The following CD1B variants were observed in gnomAD, a reference collection of about 807,000 sequenced individuals.
CD1B encodes the protein T-cell surface glycoprotein CD1b.
In CD1B, 43 loss-of-function variants were observed where a neutral mutation model predicts 39.8. The ratio of observed to expected loss-of-function variants is 1.08; its 90% confidence interval spans 0.85 to 1.39. The LOEUF is 1.39. Ranked by LOEUF, CD1B falls within the 40% of genes most tolerant of loss-of-function variation. CD1B has a pLI of 0.00. For synonymous variants in CD1B, 192 were observed against 152.5 expected, an observed-to-expected ratio of 1.26 and a Z score of -1.91; for missense variants, 495 against 403.8, an observed-to-expected ratio of 1.23 and a Z score of -1.94.
rs781053973 is a variant in CD1B at position 158,331,383 on chromosome 1, G to T, written c.41C>A (p.Pro14His). 8 of 1,613,866 alleles carry T rather than the reference G, an allele frequency of 5.0e-6. No individual in the cohort carries two copies. The East Asian group carries it at 1.6e-4, about 31-fold the overall frequency. ...CTTACCATGTTCACTGTTACCACCA[G>T]GAAAGAGAACAGCTAACAGTTGAAA... ...LPFQLLAVLF[P>H]GGNSEHAFQG... is the part of the protein sequence containing the mutation. Residue 14 changes from proline to histidine, a missense_variant, in exon 1 of 6, where the codon CCT (proline) becomes CAT (histidine). Pro to His is a moderately conservative substitution (Grantham distance 77). Transcript: ENST00000368168.
At chr1:158,306,608 C>T in the CD1B span, among the ~76,000 whole-genome samples, 1 of 152,170 alleles carries the variant, frequency 6.6e-6, no homozygotes, top group Non-Finnish European at 1.5e-5. Flanking sequence ...ACTCTCCACC[C>T]CAAATCAACA....
chr1:158,301,575 C>G, the CD1B span, among the ~76,000 whole-genome samples: 11 of 152,052 alleles, frequency 7.2e-5, no homozygotes, highest in East Asian at 1.9e-4. Flanking sequence ...ATGAAATTCT[C>G]GGTTGAAAAT....
chr1:158,319,044 G>A, the CD1B span, among the ~76,000 whole-genome samples: 1 of 151,788 alleles, frequency 6.6e-6, no homozygotes, highest in East Asian at 1.9e-4. Flanking sequence ...CTGTTAGTCT[G>A]ATGGGCTTCC....
chr1:158,300,308 C>G, the CD1B span, among the ~76,000 whole-genome samples: 1 of 152,136 alleles, frequency 6.6e-6, no homozygotes, highest in Non-Finnish European at 1.5e-5. Flanking sequence ...TTTCTTAATC[C>G]TGAGTTCTAA....
the CD1B span, chr1:158,292,013 G>A: frequency 4.0e-5 from 59 of 1,459,322 alleles, no homozygotes; most frequent in African/African-American, 5.0e-4. Flanking sequence ...TCCTGATACA[G>A]CCCTAGGTTT....
chr1:158,307,989 A>G, the CD1B span, among the ~76,000 whole-genome samples: 27 of 152,210 alleles, frequency 1.8e-4, 1 homozygote, highest in Admixed American at 1.5e-3. Flanking sequence ...GGCCAGGGCA[A>G]TTAGGCAGGA....
At chr1:158,313,464 C>T in the CD1B span, among the ~76,000 whole-genome samples, 1 of 152,134 alleles carries the variant, frequency 6.6e-6, no homozygotes, top group African/African-American at 2.4e-5. Flanking sequence ...GCGCCCACCA[C>T]CATTTTTGGC....
chr1:158,314,260 T>A, the CD1B span, among the ~76,000 whole-genome samples: 1 of 152,088 alleles, frequency 6.6e-6, no homozygotes, highest in Non-Finnish European at 1.5e-5. Context: ...AATTTTTGTA[T>A]TTTTAGTAGA....
At chr1:158,302,240 A>T in the CD1B span, among the ~76,000 whole-genome samples, 1 of 152,178 alleles carries the variant, frequency 6.6e-6, no homozygotes, top group South Asian at 2.1e-4. Flanking sequence ...TGTTCTAACA[A>T]ATGAAAACAA....
At chr1:158,309,180 C>T in the CD1B span, among the ~76,000 whole-genome samples, 2 of 152,164 alleles carry the variant, frequency 1.3e-5, no homozygotes, top group African/African-American at 4.8e-5. Context: ...AGGATATGAA[C>T]AGACACTTCT....
the CD1B span, chr1:158,292,499 G>A: frequency 4.7e-6 from 7 of 1,495,912 alleles, no homozygotes; most frequent in African/African-American, 8.4e-5. Flanking sequence ...CTTAGAGGCA[G>A]GAAAAAGATA....
the CD1B span, among the ~76,000 whole-genome samples, chr1:158,308,409 A>G: frequency 6.6e-6 from 1 of 152,220 alleles, no homozygotes; most frequent in Non-Finnish European, 1.5e-5. Flanking sequence ...ATACTGCCCA[A>G]GGTAATTTGT....
At chr1:158,292,252 T>G in the CD1B span, 1 of 1,614,176 alleles carries the variant, frequency 6.2e-7, no homozygotes, top group Admixed American at 1.7e-5. Context: ...TGTCATCTAC[T>G]CAATCATCAG....
At chr1:158,295,968 C>T in the CD1B span, among the ~76,000 whole-genome samples, 2 of 152,266 alleles carry the variant, frequency 1.3e-5, no homozygotes, top group Admixed American at 6.5e-5. Context: ...GCTGCACTGT[C>T]CCCACTAGCC....
chr1:158,291,068 T>TCTCCATTTTCC, the CD1B span: 2 of 1,505,680 alleles, frequency 1.3e-6, no homozygotes, highest in Non-Finnish European at 1.8e-6. Flanking sequence ...TTCCATTTTC[T>TCTCCATTTTCC]CTCCATTTTC....
chr1:158,306,835 G>A, the CD1B span, among the ~76,000 whole-genome samples: 2 of 152,094 alleles, frequency 1.3e-5, no homozygotes, highest in African/African-American at 2.4e-5. Flanking sequence ...TGACTACTGG[G>A]TACATAATGA....
chr1:158,295,754 T>A, the CD1B span, among the ~76,000 whole-genome samples: 90 of 151,480 alleles, frequency 5.9e-4, no homozygotes, highest in Non-Finnish European at 1.2e-3. Flanking sequence ...CAGCCTCAGA[T>A]GTTCAACTGA....
At chr1:158,323,581 A>G (rs572624236), downstream of CD1B, among the ~76,000 whole-genome samples, 1 of 152,248 alleles carries the variant, frequency 6.6e-6, no homozygotes, top group Non-Finnish European at 1.5e-5. Flanking sequence ...CTCTGAAAAA[A>G]GGTATTTATT....
At chr1:158,309,933 T>C in the CD1B span, among the ~76,000 whole-genome samples, 1 of 151,698 alleles carries the variant, frequency 6.6e-6, no homozygotes. Context: ...TATACATATG[T>C]AACTAACCTG....
Sources: gnomAD v4.1 joint callset for allele counts (sites outside exome capture counted in the v4.1 genomes callset) on GRCh38, gnomAD v4.1.1 for gene constraint, MANE v1.5 for transcripts, NCBI Gene and HGNC (gene_info 2026-07-23, HGNC 2026-07-21) for gene names.